LAMA3: variants seen among roughly 807,000 people sequenced by gnomAD.
LAMA3 encodes laminin subunit alpha 3.
Under a neutral mutation model 402.0 loss-of-function variants are expected in LAMA3, and 281 were observed. The ratio of observed to expected loss-of-function variants is 0.70; its 90% CI spans 0.63 to 0.77. The LOEUF (loss-of-function observed/expected upper bound fraction) is 0.77. Among genes scored for constraint, LAMA3 ranks in the 30% least tolerant of loss-of-function variants. The pLI, the probability that LAMA3 is intolerant of heterozygous loss-of-function variation, is 0.00. For synonymous variants in LAMA3, 1,431 were observed against 1,558.4 expected, an observed-to-expected ratio of 0.92 and a Z score of 1.93; for missense variants, 3,840 against 4,215.5, an observed-to-expected ratio of 0.91 and a Z score of 2.47.
chr18:23,776,370 T>A (rs1455201395), intron 10 of LAMA3, among the ~76,000 whole-genome samples: 1 of 152,150 alleles, frequency 6.6e-6, no homozygotes, highest in Non-Finnish European at 1.5e-5. Context: ...CCCACGGCAG[T>A]GATCTAAGTG....
chr18:23,907,636 C>G lies in LAMA3; in HGVS notation c.6805C>G (p.Leu2269Val), dbSNP rs138591939. The change falls in exon 53 of 75, where the codon CTC becomes GTC. Residue 2269 changes from leucine (L) to valine (V), a missense_variant. Around this residue, in one of 3 missense-constraint regions of LAMA3, gnomAD observed 891 missense variants for 857.5 expected, o/e 1.04. Coordinates refer to ENST00000313654, the MANE Select transcript of LAMA3 (RefSeq NM_198129.4). ...AGTGATAGACACCAATCTCACAACT[C>G]TCCGAGATGGTCTTCATGGGATACA... ...KEVIDTNLTT[L>V]RDGLHGIQRG... is the part of the protein sequence containing the mutation. 4.9e-4 allele frequency: 795 copies of G among 1,613,574 alleles called. 5 individuals carry two copies. In the African/African-American group the frequency reaches 9.9e-3, roughly 20 times the overall value.
intron 56 of LAMA3, among the ~76,000 whole-genome samples, chr18:23,914,148 G>A (rs1025965772): frequency 2.6e-5 from 4 of 152,184 alleles, no homozygotes; most frequent in Admixed American, 2.6e-4. Context: ...CCTCTGTATG[G>A]TAGGTGCTTG....
At chr18:23,700,027 C>T (rs2060762950) in intron 1 of LAMA3, among the ~76,000 whole-genome samples, 1 of 152,088 alleles carries the variant, frequency 6.6e-6, no homozygotes, top group Non-Finnish European at 1.5e-5. Context: ...TTATCACAAA[C>T]CCTTGCAGCA....
intron 21 of LAMA3, 90 bp from the exon 22 acceptor site, chr18:23,826,612 A>G: frequency 1.0e-6 from 1 of 962,458 alleles, no homozygotes; most frequent in Non-Finnish European, 1.6e-6. Context: ...CCTGGTTATT[A>G]TTGATTTAAC....
At position 23,847,587 on chromosome 18, in the gene LAMA3, G is replaced by T. The variant is rs763885545; in HGVS notation, c.4055G>T (p.Gly1352Val). 3.8e-5 allele frequency: 61 copies of T among 1,613,988 alleles called. No homozygotes were observed. Among genetic ancestry groups the T allele is most frequent in the Non-Finnish European group, 5.1e-5 (60 of 1,180,050 alleles). ...TCATTCAGCTTCCACCCCATGGCCGGCTGCGAAGGCTGCAACTGTTCCAGG... is the reference window on the plus strand; with the variant it reads ...TCATTCAGCTTCCACCCCATGGCCGTCTGCGAAGGCTGCAACTGTTCCAGG... ...THSFSFHPMA[G>V]CEGCNCSRRG... is the part of the protein sequence containing the mutation. Residue 1352 changes from glycine (G) to valine (V), a missense_variant, in exon 32 of 75, where the codon GGC becomes GTC. Around this residue, in one of 3 missense-constraint regions of LAMA3, gnomAD observed 2,109 missense variants for 2,376.0 expected, o/e 0.89. Coordinates refer to ENST00000313654, the MANE Select transcript of LAMA3 (RefSeq NM_198129.4).
chr18:23,886,508 G>T, intron 41 of LAMA3, among the ~76,000 whole-genome samples: 1 of 151,954 alleles, frequency 6.6e-6, no homozygotes, highest in African/African-American at 2.4e-5. Context: ...CAAGTGTGGT[G>T]GTGTGTGCCT....
chr18:23,845,291 C>T (rs1205919090), intron 30 of LAMA3, among the ~76,000 whole-genome samples, 167 bp downstream of exon 30: 1 of 152,194 alleles, frequency 6.6e-6, no homozygotes, highest in Non-Finnish European at 1.5e-5. Context: ...CACACCAACC[C>T]TCGCATGACA....
intron 55 of LAMA3, among the ~76,000 whole-genome samples, chr18:23,910,901 G>A (rs1037380330): frequency 1.3e-5 from 2 of 152,096 alleles, no homozygotes; most frequent in Non-Finnish European, 2.9e-5. Context: ...ACAGATAAAT[G>A]CATATTTAGT....
intron 10 of LAMA3, among the ~76,000 whole-genome samples, chr18:23,776,937 T>C (rs201591589): frequency 2.0e-5 from 3 of 150,384 alleles, no homozygotes; most frequent in East Asian, 4.0e-4. Flanking sequence ...GCCTGCCAGG[T>C]TCAAGCGATT....
At chr18:23,901,079 T>A in intron 47 of LAMA3, 48 bp from the exon 48 acceptor site, 1 of 1,503,754 alleles carries the variant, frequency 6.7e-7, no homozygotes, top group Non-Finnish European at 9.3e-7. Context: ...TAACCCAGCT[T>A]CAGTATGCTC....
At chr18:23,902,313 C>T (rs976203473) in intron 48 of LAMA3, among the ~76,000 whole-genome samples, 1 of 151,488 alleles carries the variant, frequency 6.6e-6, no homozygotes, top group Admixed American at 6.6e-5. Context: ...TCAGCCTAGG[C>T]AACAGAATGA....
At chr18:23,919,431 G>A (rs1245344199) in intron 60 of LAMA3, among the ~76,000 whole-genome samples, 2 of 152,188 alleles carry the variant, frequency 1.3e-5, no homozygotes, top group South Asian at 2.1e-4. Context: ...TATGGCTCCC[G>A]CCCTCCGGGA....
chr18:23,714,750 C>A (rs1300929372), intron 2 of LAMA3, among the ~76,000 whole-genome samples: 1 of 152,100 alleles, frequency 6.6e-6, no homozygotes, highest in Non-Finnish European at 1.5e-5. Flanking sequence ...CATTGTGCAA[C>A]CATCGCCGTC....
Position 23,884,791 on chromosome 18 carries a change from G to A in LAMA3, c.5241G>A (p.Val1747=), listed in dbSNP as rs1282050444. The A allele has an allele frequency of 1.2e-6, 2 of 1,613,856 alleles. No homozygotes were observed. Among genetic ancestry groups the A allele is most frequent in the African/African-American group, 1.3e-5 (1 of 74,988 alleles). Residue 1747 remains valine, a synonymous_variant, in exon 41 of 75, where the codon GTG becomes GTA. Coordinates refer to ENST00000313654, the MANE Select transcript of LAMA3 (RefSeq NM_198129.4). ...PHTNSFATGC[V]VNGGDVRCSC... is the part of the protein sequence containing the mutation. ...TTTCAAGCTTTGCCACTGGCTGTGT[G>A]GTGAATGGGGGAGACGTGCGGTGCT... is the stretch of plus-strand genomic sequence containing the variant.
At chr18:23,862,647 C>T (rs1332031073) in intron 35 of LAMA3, among the ~76,000 whole-genome samples, 1 of 152,174 alleles carries the variant, frequency 6.6e-6, no homozygotes. Flanking sequence ...TCCTCTTTAC[C>T]GCTATATGAC....
Position 23,820,007 on chromosome 18 carries a change from C to T in LAMA3, c.2304+10C>T. ...AATGACCTCAGTACAGGTACGCAAC[C>T]CGAAGAGAGCAGCTTCATGGCTGAG... On this transcript the variant is annotated intron_variant, in intron 19 of 74. Transcript: ENST00000313654. 2 of 1,613,860 alleles carry T rather than the reference C, an allele frequency of 1.2e-6. No homozygotes were observed. Among genetic ancestry groups the T allele is most frequent in the Non-Finnish European group, 1.7e-6 (2 of 1,179,856 alleles).
intron 62 of LAMA3, among the ~76,000 whole-genome samples, 153 bp downstream of exon 62, chr18:23,921,738 C>G (rs1433793414): frequency 1.3e-5 from 2 of 152,012 alleles, no homozygotes; most frequent in African/African-American, 4.8e-5. Context: ...CAGAATAAAA[C>G]AGATTTAAAT....
chr18:23,786,040 T>C (rs2062538636), intron 12 of LAMA3, among the ~76,000 whole-genome samples: 1 of 152,206 alleles, frequency 6.6e-6, no homozygotes, highest in South Asian at 2.1e-4. Context: ...GTAGATACTC[T>C]TTTCAGTAAA....
At chr18:23,767,578 C>CT (rs71163640) in intron 8 of LAMA3, among the ~76,000 whole-genome samples, 93,167 of 125,758 alleles carry the variant, frequency 0.74, 35,158 homozygotes, top group African/African-American at 0.87. Context: ...TCTTTCTTTT[C>CT]TTTTTTTTTT....
Sources: allele counts gnomAD v4.1 joint callset (sites outside exome capture counted in the v4.1 genomes callset), GRCh38; gene constraint gnomAD v4.1.1; regional missense constraint gnomAD v4.1.1; transcripts MANE v1.5; gene names NCBI Gene and HGNC (gene_info 2026-07-23, HGNC 2026-07-21).